The following IL1RAPL1 variants were observed in gnomAD, a reference collection of about 807,000 sequenced individuals.
IL1RAPL1 encodes interleukin-1 receptor accessory protein-like 1.
IL1RAPL1 carries 3 observed loss-of-function variants against 48.4 expected under a neutral mutation model. That is an observed-to-expected ratio of 0.06 (90% CI 0.03 to 0.16). The LOEUF is 0.16. Among genes scored for constraint, IL1RAPL1 ranks in the 10% least tolerant of loss-of-function variants. The pLI is 1.00. For missense variants in IL1RAPL1, 349 were observed against 530.6 expected, an observed-to-expected ratio of 0.66 and a Z score of 3.36; for synonymous variants, 185 against 187.7, an observed-to-expected ratio of 0.99 and a Z score of 0.12.
chrX:29,440,195 A>T lies in IL1RAPL1; in HGVS notation c.703+40887A>T, dbSNP rs1420510815. ...CACAACTTGAATTTTATTCGAAGAG[A>T]TATAATAGTCATTAAAAAATAAGAG... On this transcript the variant is annotated intron_variant, in intron 5 of 10. Transcript: ENST00000378993. Among the ~76,000 whole-genome samples the T allele has an allele frequency of 7.2e-5, 8 of 110,731 alleles. No individual in the cohort carries two copies. In the East Asian group the frequency reaches 2.2e-3, roughly 31 times the overall value.
At chrX:29,306,870 A>AG (rs1419183828) in intron 3 of IL1RAPL1, among the ~76,000 whole-genome samples, 1 of 107,697 alleles carries the variant, frequency 9.3e-6, no homozygotes, top group Non-Finnish European at 1.9e-5. Flanking sequence ...CAAAAAAAAA[A>AG]AAAAAAAAAA....
At chrX:29,582,493 C>G (rs1216326117) in intron 5 of IL1RAPL1, among the ~76,000 whole-genome samples, 1 of 92,422 alleles carries the variant, frequency 1.1e-5, no homozygotes, top group African/African-American at 4.1e-5. Flanking sequence ...GCTGCACCCA[C>G]TAACGTGTCA....
chrX:28,962,491 A>T (rs1474380098), intron 2 of IL1RAPL1, among the ~76,000 whole-genome samples: 1 of 111,136 alleles, frequency 9.0e-6, no homozygotes, highest in Non-Finnish European at 1.9e-5. Context: ...CTTTTGTTTA[A>T]TTTTTTTCTC....
chrX:29,556,808 G>T (rs1379859262), intron 5 of IL1RAPL1, among the ~76,000 whole-genome samples: 1 of 111,843 alleles, frequency 8.9e-6, no homozygotes, highest in Non-Finnish European at 1.9e-5. Context: ...TGATTTTTAT[G>T]AAGATATATT....
In IL1RAPL1 at chrX:29,088,207, A is replaced by G. The variant is rs186178097; in HGVS notation, c.83-194731A>G. Among the ~76,000 whole-genome samples the G allele has an allele frequency of 4.1e-3, 457 of 112,280 alleles. 6 individuals carry two copies. Among genetic ancestry groups the G allele is most frequent in the African/African-American group, 0.015 (449 of 30,943 alleles). On this transcript the variant is annotated intron_variant, in intron 2 of 10. Coordinates refer to ENST00000378993, the MANE Select transcript of IL1RAPL1 (RefSeq NM_014271.4). ...TATTTAACCCAAGGTTGTGGCAATT[A>G]TCAAAGAAAATCAAGCAACATTACT...
At chrX:29,605,237 G>A (rs1399008748) in intron 5 of IL1RAPL1, among the ~76,000 whole-genome samples, 1 of 110,784 alleles carries the variant, frequency 9.0e-6, no homozygotes, top group Non-Finnish European at 1.9e-5. Context: ...AGATGCAGGT[G>A]AATAAGGCTG....
intron 1 of IL1RAPL1, among the ~76,000 whole-genome samples, chrX:28,646,298 C>T (rs1388108058): frequency 8.9e-6 from 1 of 111,860 alleles, no homozygotes. Context: ...TGACAGTAGG[C>T]GGAGCTCAGA....
At chrX:29,020,158 A>C (rs1021977657) in intron 2 of IL1RAPL1, among the ~76,000 whole-genome samples, 1 of 112,618 alleles carries the variant, frequency 8.9e-6, no homozygotes, top group African/African-American at 3.2e-5. Flanking sequence ...TGCATTAATA[A>C]GTGAATGAGT....
chrX:29,657,830 T>TG (rs1202337172), intron 5 of IL1RAPL1, among the ~76,000 whole-genome samples: 1 of 109,212 alleles, frequency 9.2e-6, no homozygotes, highest in African/African-American at 3.3e-5. Flanking sequence ...GACTGTTTTT[T>TG]TTTTTTTTTT....
chrX:28,588,206 A>ATGTGTGTGTGTG (rs768348078), intron 1 of IL1RAPL1, among the ~76,000 whole-genome samples, 159 bp downstream of exon 1: 4 of 49,928 alleles, frequency 8.0e-5, no homozygotes, highest in Non-Finnish European at 1.5e-4. Flanking sequence ...GTGTGTTGAT[A>ATGTGTGTGTGTG]TGTGTGTGTG....
At chrX:29,742,565 A>T (rs745320691) in intron 6 of IL1RAPL1, among the ~76,000 whole-genome samples, 13 of 111,161 alleles carry the variant, frequency 1.2e-4, no homozygotes, top group African/African-American at 4.2e-4. Context: ...AACTGATACT[A>T]AAAACAAACA....
At chrX:29,825,679 G>C (rs978764887) in intron 6 of IL1RAPL1, among the ~76,000 whole-genome samples, 2 of 111,878 alleles carry the variant, frequency 1.8e-5, no homozygotes, top group Non-Finnish European at 3.8e-5. Flanking sequence ...ATGTGGTTTT[G>C]ATCACAACTA....
intron 6 of IL1RAPL1, among the ~76,000 whole-genome samples, chrX:29,798,176 C>G (rs1015840854): frequency 4.5e-5 from 5 of 111,854 alleles, no homozygotes; most frequent in Non-Finnish European, 3.8e-5. Flanking sequence ...CAGGCCTGAG[C>G]CCCTCTGCTA....
Position 29,721,001 on chromosome X carries a change from C to G in IL1RAPL1, c.778+52497C>G, listed in dbSNP as rs373441103. On this transcript the variant is annotated intron_variant, in intron 6 of 10. Transcript: ENST00000378993. ...CCAGCTGAGTCCAAAGCCAGTAGTG[C>G]TCTTATCAACTTTCCATGGCAATGT... 1.1e-4 allele frequency among the ~76,000 whole-genome samples: 12 copies of G among 112,255 alleles called. No homozygotes were observed. The South Asian group carries it at 4.4e-3, about 41-fold the overall frequency.
chrX:29,003,230 T>C (rs1925899407), intron 2 of IL1RAPL1, among the ~76,000 whole-genome samples: 1 of 111,082 alleles, frequency 9.0e-6, no homozygotes, highest in South Asian at 3.8e-4. Context: ...TATGTGATGG[T>C]GGAGCTACAG....
chrX:28,880,325 A>G (rs1336466936), intron 2 of IL1RAPL1, among the ~76,000 whole-genome samples: 1 of 112,099 alleles, frequency 8.9e-6, no homozygotes, highest in Non-Finnish European at 1.9e-5. Context: ...CCTCCCACAC[A>G]GTGCAGGAAT....
chrX:29,086,904 G>A (rs1326186699), intron 2 of IL1RAPL1, among the ~76,000 whole-genome samples: 2 of 111,351 alleles, frequency 1.8e-5, no homozygotes, highest in Non-Finnish European at 3.8e-5. Context: ...AGCTATGAGA[G>A]GTAGAGTTTA....
At chrX:28,893,824 A>G (rs1175019489) in intron 2 of IL1RAPL1, among the ~76,000 whole-genome samples, 1 of 111,944 alleles carries the variant, frequency 8.9e-6, no homozygotes, top group Non-Finnish European at 1.9e-5. Context: ...TGAGGCTGGA[A>G]GGAGATATTT....
intron 3 of IL1RAPL1, among the ~76,000 whole-genome samples, chrX:29,323,583 C>G (rs6628421): frequency 0.041 from 4,109 of 100,779 alleles, 220 homozygotes; most frequent in African/African-American, 0.14. Flanking sequence ...AGTTCCTTTA[C>G]TCTTCTTATC....
Sources: allele counts gnomAD v4.1 joint callset (sites outside exome capture counted in the v4.1 genomes callset), GRCh38; gene constraint gnomAD v4.1.1; transcripts MANE v1.5; gene names NCBI Gene and HGNC (gene_info 2026-07-23, HGNC 2026-07-21).